The following MCM3 variants were observed in gnomAD, a reference collection of about 807,000 sequenced individuals.
MCM3 encodes minichromosome maintenance complex component 3, also known as DNA replication licensing factor MCM3.
A neutral mutation model predicts 91.3 loss-of-function variants in MCM3; 59 were observed. The ratio of observed to expected loss-of-function variants is 0.65; its 90% CI spans 0.52 to 0.80. MCM3 has a LOEUF of 0.80. MCM3 is among the 30% of genes least tolerant of loss of function. MCM3 has a pLI of 0.00. For missense variants in MCM3, 919 were observed against 1,035.4 expected (o/e 0.89, Z 1.54); for synonymous variants, 383 against 379.6 (o/e 1.01, Z -0.10).
At chr6:52,276,986 T>C in intron 8 of MCM3, 81 bp downstream of exon 8, 1 of 1,524,860 alleles carries the variant, frequency 6.6e-7, no homozygotes, top group South Asian at 1.3e-5. Flanking sequence ...AGCTGTATCT[T>C]CAGAACACAA....
In MCM3 at chr6:52,273,701, C is replaced by T. The variant is rs372207774; in HGVS notation, c.1549+41G>A. Reference sequence around the variant, plus strand: ...GCCTGAGAAACTACCATCTGTTTAGCGCCTTTCCATTAGTTACTCTTACTA... The same window carrying T: ...GCCTGAGAAACTACCATCTGTTTAGTGCCTTTCCATTAGTTACTCTTACTA... On this transcript the variant is annotated intron_variant, in intron 10 of 16. Coordinates refer to ENST00000596288, the MANE Select transcript of MCM3 (RefSeq NM_002388.6). 2.9e-4 allele frequency: 456 copies of T among 1,567,298 alleles called. 2 individuals are homozygous for T. In the African/African-American group the frequency reaches 5.2e-3, roughly 18 times the overall value.
chr6:52,283,473 G>A, intron 1 of MCM3, 67 bp from the exon 2 acceptor site: 1 of 1,104,262 alleles, frequency 9.1e-7, no homozygotes, highest in Non-Finnish European at 1.4e-6. Flanking sequence ...AACAGAAGTA[G>A]TTCTCATAGC....
At chr6:52,271,223 G>T (rs1765106338) in intron 12 of MCM3, among the ~76,000 whole-genome samples, 1 of 152,106 alleles carries the variant, frequency 6.6e-6, no homozygotes, top group African/African-American at 2.4e-5. Context: ...AGTGGGTGAG[G>T]CTTGAGTAGA....
chr6:52,281,352 T>C (rs1432773143), intron 4 of MCM3, among the ~76,000 whole-genome samples: 1 of 152,226 alleles, frequency 6.6e-6, no homozygotes, highest in Non-Finnish European at 1.5e-5. Context: ...CTTAATTTTC[T>C]AAAATGAACA....
rs560730032 is a variant in MCM3, at chr6:52,283,386, C to A, written c.99G>T (p.Gln33His). Reference protein sequence around the residue: ...LDDEEDQGIYQSKVRELISDN... With the variant: ...LDDEEDQGIYHSKVRELISDN... ...CACTGATCAGCTCCCGAACTTTGCTCTGATAAATTCCCTGGTCTTCCTGCA... is the reference window on the plus strand; with the variant it reads ...CACTGATCAGCTCCCGAACTTTGCTATGATAAATTCCCTGGTCTTCCTGCA... Residue 33 changes from glutamine (Q) to histidine (H), a missense_variant, in exon 2 of 17, where the codon CAG (glutamine) becomes CAT (histidine). By Grantham distance (24) the Gln-to-His change is conservative (BLOSUM62 0). Coordinates refer to ENST00000596288, the MANE Select transcript of MCM3 (RefSeq NM_002388.6). 6.2e-7 allele frequency: 1 copy of A among 1,614,082 alleles called. No individual in the cohort carries two copies. The highest frequency in any genetic ancestry group is 1.1e-5 in the South Asian group (1 of 91,080).
intron 4 of MCM3, among the ~76,000 whole-genome samples, chr6:52,280,827 G>A (rs991515035): frequency 5.9e-5 from 9 of 152,206 alleles, no homozygotes; most frequent in African/African-American, 1.4e-4. Context: ...AACTGGGACC[G>A]TAAGCAAATT....
Position 52,276,352 on chromosome 6 carries a change from T to C in MCM3, c.1290A>G (p.Arg430=), listed in dbSNP as rs1242050810. The C allele has an allele frequency of 3.1e-6, 5 of 1,613,884 alleles. No homozygotes were observed. Among genetic ancestry groups the C allele is most frequent in the Non-Finnish European group, 4.2e-6 (5 of 1,180,036 alleles). ...GGATGCCAGCCTTGGCAATGGTCAC[T>C]CGACCCTGCTCCATCACTTCATGGA... ...TAIHEVMEQG[R]VTIAKAGIHA... is the part of the protein sequence containing the mutation. Residue 430 remains arginine, a synonymous_variant, in exon 9 of 17, where the codon CGA becomes CGG. Transcript: ENST00000596288.
intron 14 of MCM3, among the ~76,000 whole-genome samples, chr6:52,267,388 G>A (rs986897735): frequency 3.3e-5 from 5 of 151,566 alleles, no homozygotes; most frequent in East Asian, 2.0e-4. Context: ...GAGCCACCGC[G>A]CCCAGCCTAC....
At chr6:52,274,281 G>C (rs1285209974) in intron 9 of MCM3, among the ~76,000 whole-genome samples, 1 of 152,196 alleles carries the variant, frequency 6.6e-6, no homozygotes, top group East Asian at 1.9e-4. Flanking sequence ...ATAAAGACAG[G>C]GCAAGTTGGT....
rs1369985872 is a variant in MCM3, at chr6:52,264,478, T to C, written c.*110A>G. Reference sequence around the variant, plus strand: ...CATCACCAACATTCCTCGCCTTCAGTTGAATTCAACACTGTTAAGGGAGTA... The same window carrying C: ...CATCACCAACATTCCTCGCCTTCAGCTGAATTCAACACTGTTAAGGGAGTA... On this transcript the variant is annotated 3_prime_UTR_variant, in exon 17 of 17. Transcript: ENST00000596288. 27 of 1,197,836 alleles carry C rather than the reference T, an allele frequency of 2.3e-5. No homozygotes were observed. The highest frequency in any genetic ancestry group is 2.9e-5 in the Non-Finnish European group (24 of 829,944). 74.2% of individuals were successfully genotyped at this position (1,197,836 alleles called of 1,614,324 possible).
At chr6:52,279,902 C>T (rs1192871657) in intron 4 of MCM3, among the ~76,000 whole-genome samples, 1 of 152,180 alleles carries the variant, frequency 6.6e-6, no homozygotes, top group Non-Finnish European at 1.5e-5. Flanking sequence ...CTAGGTAATA[C>T]CCAACAGAAA....
rs377341239 is a variant in MCM3 at position 52,264,725 on chromosome 6, C to A, written c.2290G>T (p.Gly764Cys). Reference sequence around the variant, plus strand: ...ATGGATTCTGTGAGGCGATTCATGCCGATTGACTGCGCATGAGCTTCCCGG... The same window carrying A: ...ATGGATTCTGTGAGGCGATTCATGCAGATTGACTGCGCATGAGCTTCCCGG... ...VFREAHAQSI[G>C]MNRLTESINR... The change falls in exon 17 of 17, where the codon GGC (glycine) becomes TGC (cysteine). Residue 764 changes from glycine to cysteine, a missense_variant. Gly to Cys is a radical substitution (Grantham distance 159, BLOSUM62 -3). Around this residue, in one of 3 missense-constraint regions of MCM3, gnomAD observed 285 missense variants for 311.4 expected, o/e 0.92. Coordinates refer to ENST00000596288, the MANE Select transcript of MCM3 (RefSeq NM_002388.6). 6.2e-7 allele frequency: 1 copy of A among 1,614,150 alleles called. No individual in the cohort carries two copies. Among genetic ancestry groups the A allele is most frequent in the Admixed American group, 1.7e-5 (1 of 60,006 alleles).
chr6:52,269,262 C>G, intron 12 of MCM3, 36 bp from the exon 13 acceptor site: 1 of 1,584,042 alleles, frequency 6.3e-7, no homozygotes, highest in Non-Finnish European at 8.6e-7. Context: ...TATCCCAAGT[C>G]TTTTAGGCAT....
At chr6:52,281,583 G>T (rs1339351561) in intron 4 of MCM3, among the ~76,000 whole-genome samples, 2 of 152,040 alleles carry the variant, frequency 1.3e-5, no homozygotes, top group South Asian at 4.1e-4. Flanking sequence ...AGGAGGCTAA[G>T]GTGAGAAGAT....
chr6:52,264,708 T>C lies in MCM3; in HGVS notation c.2307A>G (p.Thr769=). Residue 769 remains threonine (T), a synonymous_variant, in exon 17 of 17, where the codon ACA becomes ACG. Coordinates refer to ENST00000596288, the MANE Select transcript of MCM3 (RefSeq NM_002388.6). The part of the protein sequence containing the change: ...HAQSIGMNRL[T]ESINRDSEEP... ...CTTCGCTGTCCCGGTTGATGGATTC[T>C]GTGAGGCGATTCATGCCGATTGACT... 1 of 1,614,224 alleles carries C rather than the reference T, an allele frequency of 6.2e-7. No individual in the cohort carries two copies.
Position 52,273,360 on chromosome 6 carries a change from GTATA to G in MCM3, c.1550-8_1550-5del. ...ACAGCACTACCCAAGGGCATAGCTG[GTATA>G]CCCAAGTTAGGAGAAAGGAGAGTAA... On this transcript the variant is annotated splice_polypyrimidine_tract_variant and splice_region_variant and intron_variant, in intron 10 of 16. Transcript: ENST00000596288. 6.2e-7 allele frequency: 1 copy of G among 1,614,006 alleles called. No homozygotes were observed. The highest frequency in any genetic ancestry group is 8.5e-7 in the Non-Finnish European group (1 of 1,179,952).
In MCM3 at chr6:52,266,149, A is replaced by C. The variant is rs767892597; in HGVS notation, c.2159-5T>G. On this transcript the variant is annotated splice_polypyrimidine_tract_variant and splice_region_variant and intron_variant, in intron 15 of 16. Transcript: ENST00000596288. ...CTGCCGTCTTTGGAGTGTGTACTTC[A>C]GAGGGTTGATGGTTGTAGAGATGGG... 55 of 1,612,936 alleles carry C rather than the reference A, an allele frequency of 3.4e-5. No individual in the cohort carries two copies. The highest frequency in any genetic ancestry group is 4.2e-5 in the Non-Finnish European group (50 of 1,179,052).
intron 5 of MCM3, 113 bp downstream of exon 5, chr6:52,279,248 A>C: frequency 1.2e-6 from 1 of 852,608 alleles, no homozygotes; most frequent in Non-Finnish European, 1.9e-6. Flanking sequence ...AGGCAGGTAG[A>C]GTGCTCCACC....
At position 52,273,941 on chromosome 6, in the gene MCM3, G is replaced by A. The variant is rs556192758; in HGVS notation, c.1375-25C>T. On this transcript the variant is annotated intron_variant, in intron 9 of 16. Coordinates refer to ENST00000596288, the MANE Select transcript of MCM3 (RefSeq NM_002388.6). Reference sequence around the variant, plus strand: ...ACTGGGGAATGCGAGGACAACAGAAGTGGACATGACATCAATAGGAAGAAA... The same window carrying A: ...ACTGGGGAATGCGAGGACAACAGAAATGGACATGACATCAATAGGAAGAAA... The A allele has an allele frequency of 2.5e-6, 4 of 1,580,128 alleles. No individual in the cohort carries two copies. The South Asian group carries it at 3.4e-5, about 14-fold the overall frequency.
Sources: gnomAD v4.1 joint callset for allele counts (sites outside exome capture counted in the v4.1 genomes callset) on GRCh38, gnomAD v4.1.1 for gene constraint, gnomAD v4.1.1 regional missense constraint, MANE v1.5 for transcripts, NCBI Gene and HGNC (gene_info 2026-07-23, HGNC 2026-07-21) for gene names.